Variants in PPP6R2 observed in about 807,000 individuals in gnomAD.
PPP6R2 encodes the protein protein phosphatase 6 regulatory subunit 2.
In PPP6R2, 62 loss-of-function variants were observed where a neutral mutation model predicts 100.2. The ratio of observed to expected loss-of-function variants is 0.62; its 90% CI spans 0.50 to 0.76. The LOEUF is 0.76. PPP6R2 is among the 30% of genes least tolerant of loss of function. PPP6R2 has a pLI of 0.00. For missense variants in PPP6R2, 1,142 were observed against 1,276.3 expected, an observed-to-expected ratio of 0.89 and a Z score of 1.60; for synonymous variants, 525 against 514.7, an observed-to-expected ratio of 1.02 and a Z score of -0.27.
At chr22:50,370,780 C>G (rs1350830454) in intron 1 of PPP6R2, among the ~76,000 whole-genome samples, 38 of 151,966 alleles carry the variant, frequency 2.5e-4, no homozygotes, top group Admixed American at 2.4e-3. Context: ...ATTACAGGCG[C>G]CTGCCATTGT....
chr22:50,411,889 C>T (rs1249021713), intron 4 of PPP6R2, among the ~76,000 whole-genome samples: 2 of 151,688 alleles, frequency 1.3e-5, no homozygotes, highest in Non-Finnish European at 2.9e-5. Context: ...ACTAAAAATA[C>T]AAAAAATTGG....
intron 2 of PPP6R2, among the ~76,000 whole-genome samples, chr22:50,372,498 G>A (rs1210913899): frequency 1.3e-5 from 2 of 151,910 alleles, no homozygotes; most frequent in Admixed American, 6.6e-5. Flanking sequence ...GCAGTGAGCC[G>A]AGATCGTGTC....
chr22:50,418,574 G>A (rs1838301613), intron 6 of PPP6R2, among the ~76,000 whole-genome samples: 1 of 152,030 alleles, frequency 6.6e-6, no homozygotes, highest in Admixed American at 6.6e-5. Context: ...TTTTAGTAGA[G>A]ATGGGGTTTC....
chr22:50,335,648 A>G, the PPP6R2 span, among the ~76,000 whole-genome samples: 1 of 149,714 alleles, frequency 6.7e-6, no homozygotes, highest in Non-Finnish European at 1.5e-5. Context: ...AGTAGGTGAG[A>G]CTACAGGTGC....
intron 4 of PPP6R2, among the ~76,000 whole-genome samples, 162 bp from the exon 5 acceptor site, chr22:50,414,390 G>C (rs1329043580): frequency 7.6e-6 from 1 of 131,228 alleles, no homozygotes; most frequent in Non-Finnish European, 1.6e-5. Context: ...GTAGGACTCT[G>C]CCTGTCCCTT....
intron 1 of PPP6R2, among the ~76,000 whole-genome samples, chr22:50,367,400 G>A (rs536390946): frequency 2.6e-5 from 4 of 152,224 alleles, no homozygotes; most frequent in African/African-American, 9.6e-5. Flanking sequence ...CTTAGGTGGA[G>A]GGCACAGGCA....
chr22:50,425,514 GTTC>G (rs755146929), intron 10 of PPP6R2, among the ~76,000 whole-genome samples: 8 of 152,196 alleles, frequency 5.3e-5, no homozygotes, highest in Non-Finnish European at 8.8e-5. Context: ...GTAAGAAGAA[GTTC>G]TTCTGGATAA....
chr22:50,369,905 A>ATTTT (rs1353992863), intron 1 of PPP6R2, among the ~76,000 whole-genome samples: 5 of 123,628 alleles, frequency 4.0e-5, no homozygotes, highest in African/African-American at 1.7e-4. Context: ...CAGCTAAGTA[A>ATTTT]TTTTTTTTTT....
At chr22:50,430,405 T>A (rs1178372355) in intron 10 of PPP6R2, among the ~76,000 whole-genome samples, 1 of 152,202 alleles carries the variant, frequency 6.6e-6, no homozygotes, top group South Asian at 2.1e-4. Flanking sequence ...CAATAATTCA[T>A]GAGAAAGACA....
chr22:50,357,151 A>G (rs1240222265), intron 1 of PPP6R2, among the ~76,000 whole-genome samples: 2 of 152,062 alleles, frequency 1.3e-5, no homozygotes, highest in Admixed American at 1.3e-4. Context: ...CAGGTGCCTT[A>G]CGGGCCATTC....
Position 50,402,288 on chromosome 22 carries a change from A to T in PPP6R2, c.228-4401A>T, listed in dbSNP as rs533027605. On this transcript the variant is annotated intron_variant, in intron 3 of 23. Coordinates refer to ENST00000612753, the MANE Select transcript of PPP6R2 (RefSeq NM_001242898.2). ...TGTGGGGAATGGACCTGTCAGTATC[A>T]GGAGCTGAGTTGGGAAGAGGGCTGG... 6.0e-5 allele frequency among the ~76,000 whole-genome samples: 9 copies of T among 151,248 alleles called. No homozygotes were observed. In the South Asian group the frequency reaches 1.9e-3, roughly 32 times the overall value.
At chr22:50,364,977 GAAA>G (rs552052403) in intron 1 of PPP6R2, among the ~76,000 whole-genome samples, 1 of 150,170 alleles carries the variant, frequency 6.7e-6, no homozygotes, top group Non-Finnish European at 1.5e-5. Context: ...GGCATAAAAA[GAAA>G]AAAAATCTTT....
chr22:50,354,867 C>CTTTT (rs2046114850), intron 1 of PPP6R2, among the ~76,000 whole-genome samples: 4 of 116,896 alleles, frequency 3.4e-5, no homozygotes, highest in Non-Finnish European at 5.7e-5. Flanking sequence ...CCTGGATCAG[C>CTTTT]CTTTTTTTTT....
At chr22:50,425,194 G>A (rs1603359527) in intron 10 of PPP6R2, among the ~76,000 whole-genome samples, 1 of 152,238 alleles carries the variant, frequency 6.6e-6, no homozygotes, top group South Asian at 2.1e-4. Flanking sequence ...AACCACCATT[G>A]TCTTTGTCTC....
At chr22:50,340,445 TGTG>T (rs1377763993), upstream of PPP6R2, among the ~76,000 whole-genome samples, 1 of 134,496 alleles carries the variant, frequency 7.4e-6, no homozygotes, top group African/African-American at 2.9e-5. Flanking sequence ...GTGTGTGGTA[TGTG>T]GTGTGTGTGT....
intron 5 of PPP6R2, among the ~76,000 whole-genome samples, chr22:50,415,483 C>T (rs1336949933): frequency 6.6e-6 from 1 of 152,244 alleles, no homozygotes; most frequent in African/African-American, 2.4e-5. Context: ...CAGAACTGTA[C>T]GTCAGGCAGC....
rs1427388723 is a variant in PPP6R2 at position 50,431,566 on chromosome 22, C to G, written c.1335+184C>G. Among the ~76,000 whole-genome samples, 1 of 152,244 alleles carries G rather than the reference C, an allele frequency of 6.6e-6. No homozygotes were observed. The highest frequency in any genetic ancestry group is 1.5e-5 in the Non-Finnish European group (1 of 68,048). The stretch of plus-strand genomic sequence containing the variant: ...TGGGGCTTGAGTGGGTCTTGCAGAT[C>G]TCATTCCTACCTGCCTTCAGCAGGG... On this transcript the variant is annotated intron_variant, in intron 11 of 23. Coordinates refer to ENST00000612753, the MANE Select transcript of PPP6R2 (RefSeq NM_001242898.2). This position sits in a 1 kb window ranked among gnomAD's most constrained non-coding sequence, Gnocchi z 4.8.
chr22:50,377,985 A>G (rs2051986733), intron 2 of PPP6R2, among the ~76,000 whole-genome samples: 2 of 152,180 alleles, frequency 1.3e-5, no homozygotes, highest in Admixed American at 1.3e-4. Context: ...TGGGTGACAG[A>G]GCAAGACTCC....
intron 3 of PPP6R2, among the ~76,000 whole-genome samples, chr22:50,396,559 C>T (rs373408569): frequency 2.4e-4 from 37 of 151,926 alleles, no homozygotes; most frequent in Admixed American, 1.0e-3. Context: ...ATATGAAACA[C>T]GTTTCAGTAT....
Sources: allele counts gnomAD v4.1 joint callset (sites outside exome capture counted in the v4.1 genomes callset), GRCh38; gene constraint gnomAD v4.1.1; non-coding constraint Gnocchi (gnomAD v3.1); transcripts MANE v1.5; gene names NCBI Gene and HGNC (gene_info 2026-07-23, HGNC 2026-07-21).